Variants in RALYL observed in about 807,000 individuals in gnomAD.
RALYL encodes RALY RNA binding protein like, also known as RNA-binding Raly-like protein.
Under a neutral mutation model 35.1 loss-of-function variants are expected in RALYL, and 29 were observed. The observed-to-expected ratio is 0.83, with a 90% CI of 0.61 to 1.13. The LOEUF (loss-of-function observed/expected upper bound fraction) is 1.13. Among genes scored for constraint, RALYL ranks in the 50% most tolerant of loss-of-function variants. The pLI is 0.00. For missense variants in RALYL, 359 were observed against 360.4 expected (o/e 1.00, Z 0.03); for synonymous variants, 120 against 127.6 (o/e 0.94, Z 0.40).
intron 2 of RALYL, among the ~76,000 whole-genome samples, chr8:84,600,067 C>T (rs1371642452): frequency 4.6e-5 from 7 of 151,970 alleles, no homozygotes; most frequent in Non-Finnish European, 1.0e-4. Flanking sequence ...AGCACATACA[C>T]TTATAGATTT....
intron 2 of RALYL, among the ~76,000 whole-genome samples, chr8:84,598,918 C>T (rs140775785): frequency 7.2e-5 from 11 of 152,202 alleles, no homozygotes; most frequent in East Asian, 1.9e-4. Flanking sequence ...TCTCTCTCCA[C>T]GTTCTAGCTA....
chr8:84,648,523 T>A (rs1025543062), intron 2 of RALYL, among the ~76,000 whole-genome samples: 1 of 152,014 alleles, frequency 6.6e-6, no homozygotes, highest in Admixed American at 6.6e-5. Flanking sequence ...CTGATTCCTT[T>A]TCCCTGGCCA....
At chr8:84,854,328 G>A (rs993054963) in intron 5 of RALYL, among the ~76,000 whole-genome samples, 1 of 151,332 alleles carries the variant, frequency 6.6e-6, no homozygotes, top group Non-Finnish European at 1.5e-5. Context: ...CCTGGGGACA[G>A]AGCGAAACTC....
intron 2 of RALYL, among the ~76,000 whole-genome samples, chr8:84,728,368 A>T (rs1360908797): frequency 6.6e-6 from 1 of 151,838 alleles, no homozygotes; most frequent in Non-Finnish European, 1.5e-5. Flanking sequence ...TAGATTCTGG[A>T]TATTAGCCCT....
rs1409250397 is a variant in RALYL at position 84,307,929 on chromosome 8, G to A, written c.-24+123505G>A. 2.0e-5 allele frequency among the ~76,000 whole-genome samples: 3 copies of A among 152,012 alleles called. No homozygotes were observed. The East Asian group carries it at 5.8e-4, about 29-fold the overall frequency. On this transcript the variant is annotated intron_variant, in intron 1 of 8. Transcript: ENST00000521268. ...AAGCTGTAATTTCAGGAAGTAGCTG[G>A]AAGTCCTTGAGTTGTGTAAAGCAAG...
chr8:84,199,546 G>A (rs1391940071), intron 1 of RALYL, among the ~76,000 whole-genome samples: 1 of 152,088 alleles, frequency 6.6e-6, no homozygotes, highest in Non-Finnish European at 1.5e-5. Flanking sequence ...ATGCTCGTAG[G>A]ATATTACTCA....
chr8:84,896,917 T>G (rs1352568263), intron 8 of RALYL, among the ~76,000 whole-genome samples: 1 of 152,116 alleles, frequency 6.6e-6, no homozygotes, highest in African/African-American at 2.4e-5. Context: ...TCAGTTAAAG[T>G]TGCATTTCAG....
intron 8 of RALYL, among the ~76,000 whole-genome samples, chr8:84,914,572 AT>A (rs1162754701): frequency 6.6e-6 from 1 of 151,566 alleles, no homozygotes; most frequent in African/African-American, 2.4e-5. Context: ...ATGTGACTAA[AT>A]TTTTTGAATA....
At chr8:84,867,882 C>T (rs1839459679) in intron 6 of RALYL, among the ~76,000 whole-genome samples, 1 of 152,094 alleles carries the variant, frequency 6.6e-6, no homozygotes, top group African/African-American at 2.4e-5. Flanking sequence ...ACAAAATAGA[C>T]ATGATCTTTC....
At position 84,528,156 on chromosome 8, in the gene RALYL, C is replaced by G. The variant is rs368447758; in HGVS notation, c.-23-1143C>G. ...TTGTAGCTGTAATATTTTAAGAGAG[C>G]CTTCATATAAAAATATAGTTGTCAC... On this transcript the variant is annotated intron_variant, in intron 1 of 8. Coordinates refer to ENST00000521268, the MANE Select transcript of RALYL (RefSeq NM_173848.7). Among the ~76,000 whole-genome samples, 57 of 152,084 alleles carry G rather than the reference C, an allele frequency of 3.7e-4. 2 individuals are homozygous for G. In the South Asian group the frequency reaches 3.9e-3, roughly 11 times the overall value.
intron 2 of RALYL, among the ~76,000 whole-genome samples, chr8:84,601,254 G>C (rs1027138834): frequency 6.6e-6 from 1 of 152,242 alleles, no homozygotes; most frequent in African/African-American, 2.4e-5. Flanking sequence ...GGGAGGAGAT[G>C]AGATGCAGAC....
chr8:84,585,012 T>G (rs1811678005), intron 2 of RALYL, among the ~76,000 whole-genome samples: 1 of 152,230 alleles, frequency 6.6e-6, no homozygotes, highest in African/African-American at 2.4e-5. Context: ...AACCCTTGTT[T>G]CTGCCTCACT....
chr8:84,846,594 ACT>A, intron 4 of RALYL, among the ~76,000 whole-genome samples: 2 of 151,776 alleles, frequency 1.3e-5, no homozygotes, highest in South Asian at 4.2e-4. Context: ...ATTGGTAACA[ACT>A]CTTTTTTATT....
chr8:84,734,214 A>C (rs1452181150), intron 2 of RALYL, among the ~76,000 whole-genome samples: 4 of 152,166 alleles, frequency 2.6e-5, no homozygotes, highest in Non-Finnish European at 4.4e-5. Context: ...CCTGTTGTGC[A>C]TATCACCCCT....
chr8:84,419,149 G>C (rs186945621), intron 1 of RALYL, among the ~76,000 whole-genome samples: 1 of 152,266 alleles, frequency 6.6e-6, no homozygotes, highest in Non-Finnish European at 1.5e-5. Context: ...CCCCTTCTCT[G>C]TGTCTATTCC....
chr8:84,655,963 G>A (rs755818625), intron 2 of RALYL, among the ~76,000 whole-genome samples: 7 of 152,076 alleles, frequency 4.6e-5, no homozygotes, highest in Admixed American at 6.6e-5. Context: ...GAGAACCAGC[G>A]ATGGTTAATA....
intron 4 of RALYL, among the ~76,000 whole-genome samples, chr8:84,829,661 A>C (rs539215851): frequency 6.6e-6 from 1 of 152,252 alleles, no homozygotes; most frequent in African/African-American, 2.4e-5. Context: ...TCAATCAAGC[A>C]CAAAGACTTT....
intron 8 of RALYL, among the ~76,000 whole-genome samples, chr8:84,914,198 A>G (rs1266769181): frequency 1.3e-5 from 2 of 152,054 alleles, no homozygotes; most frequent in Non-Finnish European, 2.9e-5. Flanking sequence ...AAGCAGTCAA[A>G]TGTGTAAAAT....
At chr8:84,222,081 A>G (rs1264264952) in intron 1 of RALYL, among the ~76,000 whole-genome samples, 1 of 152,128 alleles carries the variant, frequency 6.6e-6, no homozygotes, top group East Asian at 1.9e-4. Flanking sequence ...CACCTATATC[A>G]TGGCTGCATT....
Sources: allele counts gnomAD v4.1 joint callset (sites outside exome capture counted in the v4.1 genomes callset), GRCh38; gene constraint gnomAD v4.1.1; transcripts MANE v1.5; gene names NCBI Gene and HGNC (gene_info 2026-07-23, HGNC 2026-07-21).